Variants in B3GLCT observed in about 807,000 individuals in gnomAD.
The protein encoded by B3GLCT is beta-1,3-glucosyltransferase.
Under a neutral mutation model 63.4 loss-of-function variants are expected in B3GLCT, and 65 were observed. The ratio of observed to expected loss-of-function variants is 1.03; its 90% confidence interval spans 0.84 to 1.26. The LOEUF is 1.26. Among genes scored for constraint, B3GLCT ranks in the 50% most tolerant of loss-of-function variants. The pLI, the probability that B3GLCT is intolerant of heterozygous loss-of-function variation, is 0.00. For missense variants in B3GLCT, 577 were observed against 604.8 expected, an observed-to-expected ratio of 0.95 and a Z score of 0.48; for synonymous variants, 233 against 219.2, an observed-to-expected ratio of 1.06 and a Z score of -0.55.
chr13:31,221,008 G>A (rs1415761672), intron 2 of B3GLCT, among the ~76,000 whole-genome samples: 1 of 152,128 alleles, frequency 6.6e-6, no homozygotes, highest in Non-Finnish European at 1.5e-5. Context: ...CATGCTTCCC[G>A]AGGAAGGCTG....
chr13:31,299,930 A>C (rs148212404), intron 12 of B3GLCT, among the ~76,000 whole-genome samples: 1 of 152,198 alleles, frequency 6.6e-6, no homozygotes, highest in East Asian at 1.9e-4. Context: ...GTCACTGCCT[A>C]TGAGTTAGTA....
At chr13:31,218,931 T>C (rs1162785733) in intron 2 of B3GLCT, among the ~76,000 whole-genome samples, 3 of 23,844 alleles carry the variant, frequency 1.3e-4, no homozygotes, top group Non-Finnish European at 5.9e-4. Context: ...TCAGAAGCCC[T>C]TTTTTTTTTT....
At chr13:31,256,717 A>G (rs1871759344) in intron 6 of B3GLCT, among the ~76,000 whole-genome samples, 1 of 152,218 alleles carries the variant, frequency 6.6e-6, no homozygotes, top group Non-Finnish European at 1.5e-5. Flanking sequence ...GTGGGAGTTA[A>G]TCAATGAGAA....
intron 7 of B3GLCT, among the ~76,000 whole-genome samples, chr13:31,263,922 A>G (rs1462902629): frequency 6.6e-6 from 1 of 152,200 alleles, no homozygotes; most frequent in Non-Finnish European, 1.5e-5. Flanking sequence ...CTATAAAAAA[A>G]TGCCATAAAC....
At chr13:31,241,998 A>G (rs149320340) in intron 4 of B3GLCT, among the ~76,000 whole-genome samples, 2 of 152,320 alleles carry the variant, frequency 1.3e-5, no homozygotes, top group East Asian at 1.9e-4. Flanking sequence ...TTTAGTGCTC[A>G]TATTGGTACA....
intron 12 of B3GLCT, among the ~76,000 whole-genome samples, chr13:31,299,521 C>T (rs1874123283): frequency 6.6e-6 from 1 of 152,146 alleles, no homozygotes; most frequent in South Asian, 2.1e-4. Context: ...CTCTGTATTG[C>T]CAGCTTTGTT....
intron 12 of B3GLCT, among the ~76,000 whole-genome samples, chr13:31,296,751 C>CT (rs1328315730): frequency 3.1e-4 from 45 of 146,712 alleles, no homozygotes; most frequent in East Asian, 1.8e-3. Flanking sequence ...TTTCTTTTTC[C>CT]TTTTTTTTTT....
rs1875471551 is a variant in B3GLCT, at chr13:31,323,910, T to G, written c.1329+15T>G. ...TCTTCCATCAGGTGAGGAAATGGTT[T>G]TTATTCTTCCCTCATGGCAGGTGAG... is the stretch of plus-strand genomic sequence containing the variant. On this transcript the variant is annotated intron_variant, in intron 14 of 14. Coordinates refer to ENST00000343307, the MANE Select transcript of B3GLCT (RefSeq NM_194318.4). 1.2e-6 allele frequency: 2 copies of G among 1,614,088 alleles called. No homozygotes were observed. The highest frequency in any genetic ancestry group is 2.2e-5 in the East Asian group (1 of 44,878).
chr13:31,269,834 C>T (rs776865918), intron 8 of B3GLCT, among the ~76,000 whole-genome samples: 13 of 152,280 alleles, frequency 8.5e-5, no homozygotes, highest in South Asian at 2.1e-4. Context: ...CATCCATGAA[C>T]CAGGAAGCAG....
chr13:31,205,426 G>A (rs1868900005), intron 1 of B3GLCT, among the ~76,000 whole-genome samples: 1 of 152,026 alleles, frequency 6.6e-6, no homozygotes, highest in South Asian at 2.1e-4. Flanking sequence ...GCGCATGGTG[G>A]CGTGTGTTTG....
intron 12 of B3GLCT, among the ~76,000 whole-genome samples, chr13:31,291,496 T>C (rs1489867800): frequency 1.3e-5 from 2 of 152,152 alleles, no homozygotes; most frequent in African/African-American, 4.8e-5. Context: ...GTCCTCTCAT[T>C]TCCTGAGCAG....
At chr13:31,273,505 T>C in intron 8 of B3GLCT, among the ~76,000 whole-genome samples, 1 of 92,948 alleles carries the variant, frequency 1.1e-5, no homozygotes, top group South Asian at 3.3e-4. Context: ...GCATAGTAAT[T>C]TTATAATCTG....
In B3GLCT at chr13:31,255,214, G is replaced by A. The variant is rs188504808; in HGVS notation, c.460-5732G>A. 1.1e-3 allele frequency among the ~76,000 whole-genome samples: 167 copies of A among 152,130 alleles called. 1 individual carries two copies. Among genetic ancestry groups the A allele is most frequent in the Non-Finnish European group, 1.8e-3 (123 of 68,008 alleles). On this transcript the variant is annotated intron_variant, in intron 6 of 14. Coordinates refer to ENST00000343307, the MANE Select transcript of B3GLCT (RefSeq NM_194318.4). ...CTCCCATTCACAGTTGCTACAAAGA[G>A]AATAAAATACATAGGAATACAACTT... is the stretch of plus-strand genomic sequence containing the variant.
chr13:31,230,216 G>C (rs1870308888), intron 4 of B3GLCT, among the ~76,000 whole-genome samples: 1 of 152,174 alleles, frequency 6.6e-6, no homozygotes, highest in Non-Finnish European at 1.5e-5. Flanking sequence ...AAGCTGCTCT[G>C]AATAATACTG....
intron 13 of B3GLCT, 93 bp downstream of exon 13, chr13:31,317,778 A>G (rs1875126433): frequency 4.1e-6 from 6 of 1,478,692 alleles, no homozygotes; most frequent in Non-Finnish European, 5.6e-6. Context: ...TCTATACTGT[A>G]CGTGAGTACT....
chr13:31,221,881 T>A (rs1202485406), intron 2 of B3GLCT, among the ~76,000 whole-genome samples: 1 of 152,126 alleles, frequency 6.6e-6, no homozygotes, highest in East Asian at 1.9e-4. Flanking sequence ...AGGGAGAAAA[T>A]TCCTTCTTAG....
Position 31,215,067 on chromosome 13 carries a change from T to A in B3GLCT, c.87T>A (p.Ser29=), listed in dbSNP as rs148164370. Residue 29 remains serine, a synonymous_variant, in exon 2 of 15, where the codon TCT becomes TCA. Transcript: ENST00000343307. ...TTTTTCCAGCTTTTGGTTTGGCTTC[T>A]GAAGATACAAAGAAAGAGGTCAAGC... The part of the protein sequence containing the change: ...LTCSLAFGLA[S]EDTKKEVKQS... 52 of 1,610,240 alleles carry A rather than the reference T, an allele frequency of 3.2e-5. No individual in the cohort carries two copies. The highest frequency in any genetic ancestry group is 3.3e-4 in the Middle Eastern group (2 of 6,070).
intron 12 of B3GLCT, among the ~76,000 whole-genome samples, chr13:31,291,087 T>G (rs1873632725): frequency 6.6e-6 from 1 of 152,236 alleles, no homozygotes; most frequent in African/African-American, 2.4e-5. Flanking sequence ...CAACACCACT[T>G]ATTAAATAGA....
chr13:31,258,770 T>C (rs930320874), intron 6 of B3GLCT, among the ~76,000 whole-genome samples: 1 of 152,232 alleles, frequency 6.6e-6, no homozygotes, highest in Non-Finnish European at 1.5e-5. Context: ...CTATGTGTGA[T>C]TTTCTTTGTA....
Sources: gnomAD v4.1 joint callset for allele counts (sites outside exome capture counted in the v4.1 genomes callset) on GRCh38, gnomAD v4.1.1 for gene constraint, MANE v1.5 for transcripts, NCBI Gene and HGNC (gene_info 2026-07-23, HGNC 2026-07-21) for gene names.